Variants in RASA1 observed in about 807,000 individuals in gnomAD.
RASA1 encodes the protein ras GTPase-activating protein 1.
In RASA1, 25 loss-of-function variants were observed where a neutral mutation model predicts 132.2. That is an observed-to-expected ratio of 0.19 (90% CI 0.14 to 0.26). The LOEUF (loss-of-function observed/expected upper bound fraction) is 0.26. RASA1 is among the 10% of genes least tolerant of loss of function. The probability of loss-of-function intolerance (pLI) is 1.00; values close to 1 mark genes in which losing one functional copy is unlikely to be tolerated. For synonymous variants in RASA1, 477 were observed against 449.9 expected (o/e 1.06, Z -0.76); for missense variants, 964 against 1,299.2 (o/e 0.74, Z 3.97).
At chr5:87,354,269 G>GT (rs894364417) in intron 9 of RASA1, among the ~76,000 whole-genome samples, 43 of 152,012 alleles carry the variant, frequency 2.8e-4, no homozygotes, top group Admixed American at 1.8e-3. Flanking sequence ...TTCAAAGATA[G>GT]TTTTTTTTAC....
chr5:87,280,750 G>A lies in RASA1; in HGVS notation c.539+11760G>A, dbSNP rs1754280670. Among the ~76,000 whole-genome samples, 2 of 151,766 alleles carry A rather than the reference G, an allele frequency of 1.3e-5. 1 individual carries two copies. Among genetic ancestry groups the A allele is most frequent in the South Asian group, 4.2e-4 (2 of 4,800 alleles). ...TCAACCCATATTGTAACATGTGTCAGAATTTTCTTTCTTTCTTTTTTTTTG... is the reference window on the plus strand; with the variant it reads ...TCAACCCATATTGTAACATGTGTCAAAATTTTCTTTCTTTCTTTTTTTTTG... On this transcript the variant is annotated intron_variant, in intron 1 of 24. Coordinates refer to ENST00000274376, the MANE Select transcript of RASA1 (RefSeq NM_002890.3).
At chr5:87,383,591 T>A in intron 20 of RASA1, 122 bp from the exon 21 acceptor site, 1 of 696,404 alleles carries the variant, frequency 1.4e-6, no homozygotes, top group Admixed American at 2.9e-5. Context: ...CTTTTATTGG[T>A]TTAGAGTGAA....
At position 87,301,733 on chromosome 5, in the gene RASA1, C is replaced by T. The variant is rs188231644; in HGVS notation, c.540-29615C>T. Among the ~76,000 whole-genome samples, 641 of 152,160 alleles carry T rather than the reference C, an allele frequency of 4.2e-3. 3 individuals carry two copies. The highest frequency in any genetic ancestry group is 0.015 in the African/African-American group (605 of 41,524). The stretch of plus-strand genomic sequence containing the variant: ...TCCAATGAGCATTTCCTTTGTGTGT[C>T]ATGGTGGTCCTCAAAGTTTCAGATT... On this transcript the variant is annotated intron_variant, in intron 1 of 24. Coordinates refer to ENST00000274376, the MANE Select transcript of RASA1 (RefSeq NM_002890.3).
At chr5:87,353,377 CTG>C (rs1409659801) in intron 9 of RASA1, 142 bp downstream of exon 9, 9 of 739,146 alleles carry the variant, frequency 1.2e-5, no homozygotes, top group Non-Finnish European at 1.1e-5. Context: ...AGAAAGTCAA[CTG>C]TAAGAATCTT....
At chr5:87,277,617 T>G (rs1754126034) in intron 1 of RASA1, among the ~76,000 whole-genome samples, 1 of 152,172 alleles carries the variant, frequency 6.6e-6, no homozygotes, top group Admixed American at 6.6e-5. Flanking sequence ...TAATTTCTGT[T>G]GTTTAAGCCA....
intron 1 of RASA1, among the ~76,000 whole-genome samples, chr5:87,313,706 A>C (rs1236813076): frequency 2.0e-5 from 3 of 152,236 alleles, no homozygotes; most frequent in Non-Finnish European, 4.4e-5. Flanking sequence ...ATGCCAAAAA[A>C]AGTCTAAGAA....
At chr5:87,319,158 C>T (rs1189745557) in intron 1 of RASA1, among the ~76,000 whole-genome samples, 1 of 152,240 alleles carries the variant, frequency 6.6e-6, no homozygotes, top group Non-Finnish European at 1.5e-5. Flanking sequence ...CTGCAGGATA[C>T]AGCCCCCACA....
At chr5:87,361,688 CAT>C (rs1760105162) in intron 9 of RASA1, among the ~76,000 whole-genome samples, 1 of 152,144 alleles carries the variant, frequency 6.6e-6, no homozygotes, top group Non-Finnish European at 1.5e-5. Flanking sequence ...TATAATGTAA[CAT>C]ATGCATTCCT....
At chr5:87,299,822 G>A (rs1755282185) in intron 1 of RASA1, 1 of 152,068 alleles carries the variant, frequency 6.6e-6, no homozygotes, top group South Asian at 2.1e-4. Context: ...ACAAAGAAGG[G>A]GAACGTTTGA....
chr5:87,287,097 C>T (rs1413423285), intron 1 of RASA1, among the ~76,000 whole-genome samples: 1 of 145,124 alleles, frequency 6.9e-6, no homozygotes, highest in Non-Finnish European at 1.5e-5. Flanking sequence ...TATATATACA[C>T]ACCATATATA....
chr5:87,317,745 C>CA (rs1167916693), intron 1 of RASA1, among the ~76,000 whole-genome samples: 1 of 151,884 alleles, frequency 6.6e-6, no homozygotes, highest in Admixed American at 6.6e-5. Context: ...AATTAATTCT[C>CA]ATGCCTCAGC....
chr5:87,335,381 C>T (rs181009757), intron 4 of RASA1, among the ~76,000 whole-genome samples: 11 of 137,446 alleles, frequency 8.0e-5, no homozygotes, highest in Admixed American at 1.5e-4. Flanking sequence ...GAAATAATGA[C>T]TTTTCTGATG....
At chr5:87,304,618 C>T (rs1580220583) in intron 1 of RASA1, among the ~76,000 whole-genome samples, 4 of 152,032 alleles carry the variant, frequency 2.6e-5, no homozygotes, top group Admixed American at 2.6e-4. Flanking sequence ...CAGGTGTGTG[C>T]CCCCATACCC....
intron 1 of RASA1, among the ~76,000 whole-genome samples, chr5:87,282,178 G>GT: frequency 6.6e-6 from 1 of 151,040 alleles, no homozygotes; most frequent in East Asian, 1.9e-4. Context: ...TTTTCTTATT[G>GT]TTTTTTCTTC....
intron 1 of RASA1, among the ~76,000 whole-genome samples, chr5:87,320,069 C>A (rs759323617): frequency 6.6e-6 from 1 of 152,140 alleles, no homozygotes; most frequent in Non-Finnish European, 1.5e-5. Context: ...CACAATGCTG[C>A]CAGTCTCTGC....
chr5:87,361,897 G>GA (rs34071210), intron 9 of RASA1, among the ~76,000 whole-genome samples: 2 of 151,878 alleles, frequency 1.3e-5, no homozygotes, highest in African/African-American at 4.8e-5. Context: ...AATTTACCTT[G>GA]AAAAAAGAGG....
intron 12 of RASA1, among the ~76,000 whole-genome samples, chr5:87,371,623 C>T (rs1466918307): frequency 6.6e-6 from 1 of 151,988 alleles, no homozygotes; most frequent in Non-Finnish European, 1.5e-5. Context: ...TACATTTCTA[C>T]CTGTATCATG....
intron 1 of RASA1, among the ~76,000 whole-genome samples, chr5:87,274,334 A>C (rs1313973621): frequency 1.3e-5 from 2 of 152,208 alleles, no homozygotes; most frequent in Non-Finnish European, 2.9e-5. Flanking sequence ...TACAAAAATA[A>C]AATCATTCTT....
At chr5:87,372,325 A>G (rs1412076562) in intron 13 of RASA1, 130 bp downstream of exon 13, 1 of 793,370 alleles carries the variant, frequency 1.3e-6, no homozygotes, top group African/African-American at 1.7e-5. Context: ...TTGCTTCAGT[A>G]GCAGGAAAAC....
Sources: gnomAD v4.1 joint callset for allele counts (sites outside exome capture counted in the v4.1 genomes callset) on GRCh38, gnomAD v4.1.1 for gene constraint, MANE v1.5 for transcripts, NCBI Gene and HGNC (gene_info 2026-07-23, HGNC 2026-07-21) for gene names.